ZNF536: variants seen among roughly 807,000 people sequenced by gnomAD.
ZNF536 encodes zinc finger protein 536.
Under a neutral mutation model 84.5 loss-of-function variants are expected in ZNF536, and 13 were observed. The observed-to-expected ratio is 0.15, with a 90% CI of 0.10 to 0.24. ZNF536 has a LOEUF of 0.24. ZNF536 is among the 10% of genes least tolerant of loss of function. The pLI, the probability that ZNF536 is intolerant of heterozygous loss-of-function variation, is 1.00. For synonymous variants in ZNF536, 811 were observed against 742.5 expected, an observed-to-expected ratio of 1.09 and a Z score of -1.50; for missense variants, 1,536 against 1,747.5, an observed-to-expected ratio of 0.88 and a Z score of 2.16.
intron 1 of ZNF536, among the ~76,000 whole-genome samples, chr19:30,583,148 A>C (rs1024793832): frequency 2.0e-5 from 3 of 152,306 alleles, no homozygotes; most frequent in South Asian, 2.1e-4. Context: ...GGGTAGCACT[A>C]GGTAGTCCCC....
At chr19:30,704,924 CTTTT>C (rs60002455) in intron 1 of ZNF536, among the ~76,000 whole-genome samples, 2 of 141,970 alleles carry the variant, frequency 1.4e-5, no homozygotes, top group African/African-American at 2.6e-5. Context: ...GAGCTCAGCA[CTTTT>C]TTTTTTTTTT....
At chr19:30,590,570 CTG>C (rs1477695043) in intron 1 of ZNF536, among the ~76,000 whole-genome samples, 1 of 152,138 alleles carries the variant, frequency 6.6e-6, no homozygotes, top group African/African-American at 2.4e-5. Flanking sequence ...TCTTTTTTCT[CTG>C]TGTGTGCTAT....
At chr19:30,412,233 T>A (rs1249135872) in intron 1 of ZNF536, among the ~76,000 whole-genome samples, 1 of 152,060 alleles carries the variant, frequency 6.6e-6, no homozygotes, top group Non-Finnish European at 1.5e-5. Flanking sequence ...CTTCTTTTTT[T>A]TTCCAAAAAT....
chr19:30,439,886 A>G (rs1297535507), intron 1 of ZNF536, among the ~76,000 whole-genome samples: 1 of 150,626 alleles, frequency 6.6e-6, no homozygotes, highest in Non-Finnish European at 1.5e-5. Context: ...GGACACCTAG[A>G]CTGTGAGAGT....
At chr19:30,409,734 T>G (rs1487087130) in intron 1 of ZNF536, among the ~76,000 whole-genome samples, 1 of 152,254 alleles carries the variant, frequency 6.6e-6, no homozygotes, top group Non-Finnish European at 1.5e-5. Flanking sequence ...TTTCCTTATA[T>G]TCCTTCAAGT....
At chr19:30,413,018 T>A (rs889443550) in intron 1 of ZNF536, among the ~76,000 whole-genome samples, 151 of 151,742 alleles carry the variant, frequency 1.0e-3, no homozygotes, top group African/African-American at 3.5e-3. Flanking sequence ...TATAAAGTTG[T>A]TCTGTATTTT....
chr19:30,355,784 C>A (rs1258334616), intron 3 of ZNF536, among the ~76,000 whole-genome samples: 2 of 152,094 alleles, frequency 1.3e-5, no homozygotes, highest in African/African-American at 2.4e-5. Flanking sequence ...GATCCCAGGC[C>A]CTATTGTGAA....
intron 1 of ZNF536, among the ~76,000 whole-genome samples, chr19:30,396,156 C>T (rs1259033122): frequency 3.3e-5 from 5 of 152,162 alleles, no homozygotes; most frequent in Non-Finnish European, 7.3e-5. Context: ...AATGACTTCT[C>T]ACCAAATAAC....
At chr19:30,283,998 G>A (rs1049878855) in intron 1 of ZNF536, 1 of 152,212 alleles carries the variant, frequency 6.6e-6, no homozygotes, top group Non-Finnish European at 1.5e-5. Flanking sequence ...TACTTTGGAT[G>A]AATGCTGTTT....
chr19:30,632,521 G>T (rs551316975), intron 1 of ZNF536, among the ~76,000 whole-genome samples: 2 of 152,138 alleles, frequency 1.3e-5, no homozygotes, highest in Non-Finnish European at 2.9e-5. Flanking sequence ...CAGGAGAATC[G>T]CTTGAACCTG....
chr19:30,483,363 C>T (rs8110347), intron 2 of ZNF536, among the ~76,000 whole-genome samples: 8,831 of 152,124 alleles, frequency 0.058, 855 homozygotes, highest in African/African-American at 0.2. Context: ...TTTTCCAAGG[C>T]CTCAAGTTTC....
intron 2 of ZNF536, among the ~76,000 whole-genome samples, chr19:30,291,029 T>A (rs1351011195): frequency 6.6e-6 from 1 of 152,234 alleles, no homozygotes; most frequent in Non-Finnish European, 1.5e-5. Context: ...CATCCTTTTT[T>A]ATGGCTGCAT....
chr19:30,518,694 G>A (rs2044192756), intron 2 of ZNF536, among the ~76,000 whole-genome samples: 2 of 152,180 alleles, frequency 1.3e-5, no homozygotes, highest in South Asian at 2.1e-4. Flanking sequence ...GTATCGAATC[G>A]AGCAATGTGA....
chr19:30,402,733 C>T (rs937145787), intron 1 of ZNF536, among the ~76,000 whole-genome samples: 6 of 146,368 alleles, frequency 4.1e-5, no homozygotes, highest in African/African-American at 1.5e-4. Context: ...ACTTCATAAG[C>T]CCAGTGACTT....
intron 2 of ZNF536, among the ~76,000 whole-genome samples, chr19:30,505,118 G>A (rs1465378216): frequency 6.6e-6 from 1 of 151,710 alleles, no homozygotes; most frequent in Non-Finnish European, 1.5e-5. Context: ...AAGTTGAAGA[G>A]TAATTTGGGA....
At chr19:30,491,976 A>G (rs1314483431) in intron 2 of ZNF536, among the ~76,000 whole-genome samples, 2 of 152,092 alleles carry the variant, frequency 1.3e-5, no homozygotes, top group Non-Finnish European at 2.9e-5. Context: ...GCTCTAGATT[A>G]AGTACCAGAA....
At position 30,440,881 on chromosome 19, in the gene ZNF536, GGATAGATAGATAGATAGATA is replaced by G. The variant is rs56021291; in HGVS notation, c.-2-2640_-2-2621del. Among the ~76,000 whole-genome samples, 344 of 145,670 alleles carry G rather than the reference GGATAGATAGATAGATAGATA, an allele frequency of 2.4e-3. 1 individual carries two copies. The highest frequency in any genetic ancestry group is 3.0e-3 in the Non-Finnish European group (199 of 66,764). ...TACAAATCTTTGTTAACTCTGGCCA[GGATAGATAGATAGATAGATA>G]GATAGATAGATAGATAGATAGATAG... On this transcript the variant is annotated intron_variant, in intron 1 of 4. Coordinates refer to ENST00000355537, the MANE Select transcript of ZNF536 (RefSeq NM_014717.3).
intron 2 of ZNF536, among the ~76,000 whole-genome samples, chr19:30,511,925 T>C (rs1475279913): frequency 6.6e-6 from 1 of 152,140 alleles, no homozygotes; most frequent in East Asian, 1.9e-4. Flanking sequence ...ATAACATAGA[T>C]TTATAAAGGA....
At chr19:30,579,344 G>A (rs1016556146) in intron 1 of ZNF536, among the ~76,000 whole-genome samples, 2 of 152,180 alleles carry the variant, frequency 1.3e-5, no homozygotes, top group African/African-American at 2.4e-5. Flanking sequence ...GGGTGATCCT[G>A]CTGATCCTGG....
Sources: allele counts gnomAD v4.1 joint callset (sites outside exome capture counted in the v4.1 genomes callset), GRCh38; gene constraint gnomAD v4.1.1; transcripts MANE v1.5; gene names NCBI Gene and HGNC (gene_info 2026-07-23, HGNC 2026-07-21).